SGCD: variants seen among roughly 807,000 people sequenced by gnomAD.
SGCD encodes the protein sarcoglycan delta, also known as delta-sarcoglycan.
SGCD carries 18 observed loss-of-function variants against 36.6 expected under a neutral mutation model. That is an observed-to-expected ratio of 0.49 (90% CI 0.34 to 0.73). The LOEUF (loss-of-function observed/expected upper bound fraction) is 0.73, where lower values mean the gene tolerates loss of function less well. Ranked by LOEUF, SGCD falls within the 30% of genes least tolerant of loss-of-function variation. The pLI is 0.01. For missense variants in SGCD, 387 were observed against 346.7 expected, an observed-to-expected ratio of 1.12 and a Z score of -0.92; for synonymous variants, 133 against 130.6, an observed-to-expected ratio of 1.02 and a Z score of -0.12.
intron 7 of SGCD, among the ~76,000 whole-genome samples, chr5:156,707,139 G>T: frequency 6.6e-6 from 1 of 152,054 alleles, no homozygotes; most frequent in South Asian, 2.1e-4. Context: ...CAAACTTTGG[G>T]CTCTTGGCAT....
At chr5:155,829,780 C>A in the SGCD span, among the ~76,000 whole-genome samples, 17 of 151,998 alleles carry the variant, frequency 1.1e-4, no homozygotes, top group African/African-American at 4.1e-4. Flanking sequence ...TACATGTAAC[C>A]TTTGTGGGTA....
At chr5:155,841,745 C>T in the SGCD span, among the ~76,000 whole-genome samples, 34 of 152,058 alleles carry the variant, frequency 2.2e-4, no homozygotes, top group African/African-American at 8.2e-4. Context: ...GGAAACTATC[C>T]TTTTATCACT....
chr5:156,308,484 G>C (rs1253186652), intron 3 of SGCD, among the ~76,000 whole-genome samples: 1 of 152,114 alleles, frequency 6.6e-6, no homozygotes, highest in Admixed American at 6.5e-5. Flanking sequence ...ATTTTTAGTA[G>C]AGATGGGGTT....
At chr5:155,906,164 G>T (rs1446000376) in intron 1 of SGCD, among the ~76,000 whole-genome samples, 1 of 151,948 alleles carries the variant, frequency 6.6e-6, no homozygotes, top group African/African-American at 2.4e-5. Flanking sequence ...GTGTTTTCGG[G>T]TACCATAAAT....
chr5:156,172,696 C>T (rs1763372401), intron 3 of SGCD, among the ~76,000 whole-genome samples: 2 of 152,164 alleles, frequency 1.3e-5, no homozygotes, highest in Non-Finnish European at 2.9e-5. Context: ...TCCTCATCCA[C>T]ATTTCTTTTT....
rs904941789 is a variant in SGCD at position 156,423,767 on chromosome 5, T to A, written c.192+79090T>A. Among the ~76,000 whole-genome samples the A allele has an allele frequency of 2.0e-5, 3 of 151,968 alleles. No homozygotes were observed. In the Admixed American group the frequency reaches 2.0e-4, roughly 10 times the overall value. On this transcript the variant is annotated intron_variant, in intron 3 of 8. Coordinates refer to ENST00000337851, the MANE Select transcript of SGCD (RefSeq NM_000337.6). The stretch of plus-strand genomic sequence containing the variant: ...TTCTTCTCCATGCTTTGTGTATGTC[T>A]TGACTCTAAAGTCTACTATGTGACC...
rs187540423 is a variant in SGCD, at chr5:156,723,999, C to T, written c.576-33582C>T. The stretch of plus-strand genomic sequence containing the variant: ...GAGTTAGGAAATTATTCTCATGTTC[C>T]AGAGGAGAGATGGCAGTGACTTGGA... On this transcript the variant is annotated intron_variant, in intron 7 of 8. Transcript: ENST00000337851. 4.5e-4 allele frequency among the ~76,000 whole-genome samples: 68 copies of T among 152,196 alleles called. 1 individual carries two copies. The highest frequency in any genetic ancestry group is 4.6e-4 in the Admixed American group (7 of 15,286).
intron 3 of SGCD, among the ~76,000 whole-genome samples, chr5:156,237,486 A>G (rs1006998703): frequency 3.3e-5 from 5 of 152,068 alleles, no homozygotes; most frequent in African/African-American, 9.7e-5. Flanking sequence ...TTAGCTGGCC[A>G]TGGTGACATG....
At chr5:156,467,205 A>AACTTAAC (rs1160271835) in intron 3 of SGCD, among the ~76,000 whole-genome samples, 5 of 152,352 alleles carry the variant, frequency 3.3e-5, no homozygotes, top group Non-Finnish European at 5.9e-5. Flanking sequence ...TCTGGCTCCT[A>AACTTAAC]ACTTAACACT....
intron 3 of SGCD, among the ~76,000 whole-genome samples, chr5:156,389,735 A>G (rs4704798): frequency 0.73 from 110,577 of 152,052 alleles, 40,487 homozygotes; most frequent in Middle Eastern, 0.88. Context: ...CCAGGATTGG[A>G]GACCCCTGAT....
intron 3 of SGCD, among the ~76,000 whole-genome samples, chr5:156,197,448 A>G (rs1036315478): frequency 2.7e-5 from 4 of 149,196 alleles, no homozygotes; most frequent in African/African-American, 9.9e-5. Context: ...ATCTCCATTA[A>G]CTCTTTAGAA....
chr5:156,211,415 G>A (rs1764438440), intron 3 of SGCD, among the ~76,000 whole-genome samples: 1 of 152,072 alleles, frequency 6.6e-6, no homozygotes, highest in African/African-American at 2.4e-5. Flanking sequence ...AGACCATCCT[G>A]GCTAACACAG....
At chr5:156,367,725 G>A (rs12514194) in intron 3 of SGCD, among the ~76,000 whole-genome samples, 5,209 of 152,238 alleles carry the variant, frequency 0.034, 233 homozygotes, top group African/African-American at 0.097. Context: ...CAGCCAGACG[G>A]GGAGTTAGCA....
At chr5:156,699,167 T>C (rs560825752) in intron 7 of SGCD, among the ~76,000 whole-genome samples, 1 of 152,290 alleles carries the variant, frequency 6.6e-6, no homozygotes, top group East Asian at 1.9e-4. Flanking sequence ...AGAGACACTT[T>C]TGTATGAGAA....
At chr5:156,588,240 G>A (rs1760576393) in intron 4 of SGCD, among the ~76,000 whole-genome samples, 2 of 151,862 alleles carry the variant, frequency 1.3e-5, no homozygotes, top group Non-Finnish European at 2.9e-5. Context: ...AGTGATCTAA[G>A]AATGGTTTTC....
chr5:156,587,859 C>A (rs1464476783), intron 4 of SGCD, among the ~76,000 whole-genome samples: 2 of 151,854 alleles, frequency 1.3e-5, no homozygotes. Context: ...CGAAATCACT[C>A]TTGCTATTCT....
intron 1 of SGCD, among the ~76,000 whole-genome samples, chr5:156,008,018 CT>C (rs1386487866): frequency 1.6e-4 from 24 of 152,024 alleles, no homozygotes; most frequent in Admixed American, 1.5e-3. Flanking sequence ...TTCCAAGATT[CT>C]TTTTTTTCTC....
intron 2 of SGCD, among the ~76,000 whole-genome samples, chr5:156,330,908 C>T (rs1225886198): frequency 6.6e-6 from 1 of 152,172 alleles, no homozygotes; most frequent in Non-Finnish European, 1.5e-5. Context: ...CAAAATGTGT[C>T]CCAATTTCCT....
At chr5:156,486,403 C>G (rs1480183887) in intron 3 of SGCD, among the ~76,000 whole-genome samples, 1 of 152,132 alleles carries the variant, frequency 6.6e-6, no homozygotes, top group Non-Finnish European at 1.5e-5. Context: ...TGATAACAAC[C>G]CTGCCTCCTG....
Sources: gnomAD v4.1 joint callset for allele counts (sites outside exome capture counted in the v4.1 genomes callset) on GRCh38, gnomAD v4.1.1 for gene constraint, MANE v1.5 for transcripts, NCBI Gene and HGNC (gene_info 2026-07-23, HGNC 2026-07-21) for gene names.